CLMN: variants seen among roughly 807,000 people sequenced by gnomAD.
CLMN encodes the protein calmin (calponin-like, transmembrane).
CLMN carries 57 observed loss-of-function variants against 92.7 expected under a neutral mutation model. The ratio of observed to expected loss-of-function variants is 0.61; its 90% confidence interval spans 0.50 to 0.77. The LOEUF is 0.77. Ranked by LOEUF, CLMN falls within the 30% of genes least tolerant of loss-of-function variation. The pLI, the probability that CLMN is intolerant of heterozygous loss-of-function variation, is 0.00. For synonymous variants in CLMN, 466 were observed against 470.6 expected (o/e 0.99, Z 0.13); for missense variants, 1,158 against 1,237.5 (o/e 0.94, Z 0.96).
chr14:95,306,433 T>A (rs553585874), intron 1 of CLMN, among the ~76,000 whole-genome samples: 2 of 152,096 alleles, frequency 1.3e-5, no homozygotes, highest in South Asian at 4.2e-4. Context: ...GCAGGAGAAT[T>A]GCTTGAACCC....
intron 1 of CLMN, among the ~76,000 whole-genome samples, chr14:95,317,962 C>G (rs1314520987): frequency 6.6e-6 from 1 of 152,108 alleles, no homozygotes; most frequent in Non-Finnish European, 1.5e-5. Context: ...GGGAGAGGAG[C>G]CTACTCAGTG....
chr14:95,315,235 G>C (rs922534408), intron 1 of CLMN, among the ~76,000 whole-genome samples: 1 of 152,200 alleles, frequency 6.6e-6, no homozygotes, highest in African/African-American at 2.4e-5. Context: ...TCGCACAACA[G>C]GTCAAGGGGC....
intron 1 of CLMN, among the ~76,000 whole-genome samples, chr14:95,306,526 T>C (rs1901285913): frequency 6.6e-6 from 1 of 151,250 alleles, no homozygotes; most frequent in Non-Finnish European, 1.5e-5. Context: ...CTAGACTCCA[T>C]CTCAAACAAA....
chr14:95,252,979 T>C (rs115141825), intron 1 of CLMN, among the ~76,000 whole-genome samples: 4,004 of 152,258 alleles, frequency 0.026, 194 homozygotes, highest in African/African-American at 0.092. Flanking sequence ...AGTATAACAG[T>C]GTTCAGTGAG....
At chr14:95,274,259 C>T (rs543797811) in intron 1 of CLMN, among the ~76,000 whole-genome samples, 5 of 152,130 alleles carry the variant, frequency 3.3e-5, no homozygotes, top group African/African-American at 1.2e-4. Context: ...TTTTGGTTTC[C>T]ATCGTTCTGC....
chr14:95,236,069 C>T (rs1898045071), intron 1 of CLMN, among the ~76,000 whole-genome samples: 1 of 152,106 alleles, frequency 6.6e-6, no homozygotes, highest in East Asian at 1.9e-4. Context: ...TGCTTGACAG[C>T]AGCCGCCACT....
At chr14:95,209,604 A>G in intron 7 of CLMN, 127 bp from the exon 8 acceptor site, 1 of 741,856 alleles carries the variant, frequency 1.3e-6, no homozygotes, top group Non-Finnish European at 2.4e-6. Context: ...TTTCCACTTG[A>G]GGAACTTTAG....
Position 95,202,831 on chromosome 14 carries a change from T to C in CLMN, c.2511+7A>G, listed in dbSNP as rs762923847. On this transcript the variant is annotated splice_region_variant and intron_variant, in intron 9 of 12. Transcript: ENST00000298912. ...ACCCAGGGTTCCCAAATCCCACGGT[T>C]GAGTACCTGATGGCTGTCCATGGGG... 1.3e-6 allele frequency: 2 copies of C among 1,518,484 alleles called. No individual in the cohort carries two copies. The highest frequency in any genetic ancestry group is 4.5e-5 in the Admixed American group (2 of 44,124). The allele number at this position is 1,518,484 out of a possible 1,614,324, so 94.1% of individuals were successfully genotyped here.
Position 95,306,642 on chromosome 14 carries a change from C to A in CLMN, c.82+13069G>T, listed in dbSNP as rs139087913. Among the ~76,000 whole-genome samples, 809 of 152,192 alleles carry A rather than the reference C, an allele frequency of 5.3e-3. 8 individuals carry two copies. Among genetic ancestry groups the A allele is most frequent in the African/African-American group, 0.014 (575 of 41,522 alleles). ...TCAGATGAATTAATAAGCGCATACCCCACGACCAACAGCAACAGCAGACGA... is the reference window on the plus strand; with the variant it reads ...TCAGATGAATTAATAAGCGCATACCACACGACCAACAGCAACAGCAGACGA... On this transcript the variant is annotated intron_variant, in intron 1 of 12. Coordinates refer to ENST00000298912, the MANE Select transcript of CLMN (RefSeq NM_024734.4).
chr14:95,314,682 T>A (rs79874888), intron 1 of CLMN, among the ~76,000 whole-genome samples: 7,059 of 152,188 alleles, frequency 0.046, 778 homozygotes, highest in East Asian at 0.45. Flanking sequence ...CGCACAATGC[T>A]CCACCTGGAA....
intron 5 of CLMN, among the ~76,000 whole-genome samples, chr14:95,215,089 G>A (rs1363616529): frequency 6.6e-6 from 1 of 152,100 alleles, no homozygotes; most frequent in Non-Finnish European, 1.5e-5. Flanking sequence ...ATGTGCCCCA[G>A]AACTTAAAGT....
At chr14:95,308,875 T>A (rs1901403630) in intron 1 of CLMN, among the ~76,000 whole-genome samples, 1 of 152,148 alleles carries the variant, frequency 6.6e-6, no homozygotes, top group Non-Finnish European at 1.5e-5. Context: ...TGGCCATATA[T>A]TTGGAATATT....
chr14:95,245,210 A>ATATAT (rs1898451625), intron 1 of CLMN, among the ~76,000 whole-genome samples: 1 of 24,184 alleles, frequency 4.1e-5, no homozygotes, highest in Admixed American at 7.4e-4. Context: ...TATATATATT[A>ATATAT]TATATATATA....
chr14:95,253,245 A>G (rs978960791), intron 1 of CLMN, among the ~76,000 whole-genome samples: 1 of 152,238 alleles, frequency 6.6e-6, no homozygotes, highest in Non-Finnish European at 1.5e-5. Flanking sequence ...TCTATAAATT[A>G]GCTCATGGAT....
At chr14:95,283,636 CT>C (rs1358726381) in intron 1 of CLMN, among the ~76,000 whole-genome samples, 4 of 152,148 alleles carry the variant, frequency 2.6e-5, no homozygotes, top group African/African-American at 9.7e-5. Flanking sequence ...AAAGGTGACT[CT>C]TGTTATGTTT....
chr14:95,288,132 C>T (rs868258397), intron 1 of CLMN, among the ~76,000 whole-genome samples: 17 of 152,314 alleles, frequency 1.1e-4, no homozygotes, highest in South Asian at 1.0e-3. Flanking sequence ...TCTAAACCCA[C>T]GTACAATTTC....
chr14:95,262,123 C>T (rs556377513), intron 1 of CLMN, among the ~76,000 whole-genome samples: 3 of 152,334 alleles, frequency 2.0e-5, no homozygotes, highest in South Asian at 4.1e-4. Context: ...CGTGTCTCCC[C>T]ACATCGTTTG....
intron 1 of CLMN, 117 bp downstream of exon 1, chr14:95,319,594 C>T: frequency 1.2e-6 from 1 of 840,486 alleles, no homozygotes; most frequent in South Asian, 1.7e-5. Context: ...AGGCAAGTGA[C>T]AGGAACAACG....
chr14:95,310,713 T>C (rs1901499498), intron 1 of CLMN, among the ~76,000 whole-genome samples: 1 of 152,048 alleles, frequency 6.6e-6, no homozygotes, highest in Non-Finnish European at 1.5e-5. Context: ...GGGCTGTGAG[T>C]TCTGTCCAGG....
Sources: allele counts gnomAD v4.1 joint callset (sites outside exome capture counted in the v4.1 genomes callset), GRCh38; gene constraint gnomAD v4.1.1; transcripts MANE v1.5; gene names NCBI Gene and HGNC (gene_info 2026-07-23, HGNC 2026-07-21).